The following TRPC5 variants were observed in gnomAD, a reference collection of about 807,000 sequenced individuals.
The protein encoded by TRPC5 is short transient receptor potential channel 5.
Under a neutral mutation model 56.5 loss-of-function variants are expected in TRPC5, and 9 were observed. That is an observed-to-expected ratio of 0.16 (90% CI 0.10 to 0.28). TRPC5 has a LOEUF of 0.28. Among genes scored for constraint, TRPC5 ranks in the 10% least tolerant of loss-of-function variants. The pLI, the probability that TRPC5 is intolerant of heterozygous loss-of-function variation, is 1.00. For synonymous variants in TRPC5, 282 were observed against 278.5 expected, an observed-to-expected ratio of 1.01 and a Z score of -0.13; for missense variants, 469 against 748.9, an observed-to-expected ratio of 0.63 and a Z score of 4.36.
rs185194900 is a variant in TRPC5 at position 111,963,478 on chromosome X, G to T, written c.-21-11037C>A. ...GTCTGACAGCTTTGAAGAGAGTAGT[G>T]GTTCTCCCAGCACGCAGCTGGAGAT... On this transcript the variant is annotated intron_variant, in intron 1 of 10. Transcript: ENST00000262839. Among the ~76,000 whole-genome samples, 922 of 111,935 alleles carry T rather than the reference G, an allele frequency of 8.2e-3. 5 individuals carry two copies. Among genetic ancestry groups the T allele is most frequent in the Non-Finnish European group, 0.014 (743 of 53,133 alleles).
chrX:111,892,107 A>C (rs894442430), intron 3 of TRPC5, among the ~76,000 whole-genome samples: 63 of 112,091 alleles, frequency 5.6e-4, no homozygotes, highest in African/African-American at 2.0e-3. Flanking sequence ...GCAAGCTGGC[A>C]TTTGCCACAG....
intron 1 of TRPC5, among the ~76,000 whole-genome samples, chrX:111,956,339 T>C (rs116547523): frequency 1.4e-3 from 153 of 112,186 alleles, no homozygotes; most frequent in African/African-American, 4.6e-3. Flanking sequence ...TCCAAACTTA[T>C]CTGTCCAGTT....
chrX:112,065,731 A>G lies in TRPC5; in HGVS notation c.-22+16148T>C, dbSNP rs180690767. ...CATGGCGAAAACTCATCTCTACAAA[A>G]AATATAAAAAATTAGCTGGGAGTGG... On this transcript the variant is annotated intron_variant, in intron 1 of 10. Transcript: ENST00000262839. Among the ~76,000 whole-genome samples, 463 of 111,354 alleles carry G rather than the reference A, an allele frequency of 4.2e-3. 1 individual carries two copies. Among genetic ancestry groups the G allele is most frequent in the African/African-American group, 0.015 (452 of 30,635 alleles).
chrX:112,047,176 T>C (rs1367572463), intron 1 of TRPC5, among the ~76,000 whole-genome samples: 1 of 111,177 alleles, frequency 9.0e-6, no homozygotes, highest in East Asian at 2.8e-4. Context: ...CACAAAACTC[T>C]GTTTTGTGCT....
chrX:111,818,055 A>G (rs1033726315), intron 7 of TRPC5, among the ~76,000 whole-genome samples: 1 of 111,431 alleles, frequency 9.0e-6, no homozygotes, highest in Non-Finnish European at 1.9e-5. Flanking sequence ...TACCCACTGA[A>G]CAAATGCTCC....
intron 1 of TRPC5, among the ~76,000 whole-genome samples, chrX:111,993,851 G>GT (rs1928437710): frequency 9.0e-6 from 1 of 111,521 alleles, no homozygotes; most frequent in African/African-American, 3.3e-5. Flanking sequence ...ATTCTGTGCC[G>GT]TGCCTGTTCA....
intron 1 of TRPC5, among the ~76,000 whole-genome samples, chrX:112,007,934 G>A (rs1349974491): frequency 9.0e-6 from 1 of 111,598 alleles, no homozygotes; most frequent in Admixed American, 9.5e-5. Flanking sequence ...GTGGTAGGGG[G>A]AGTTAAGGGG....
At chrX:112,048,491 A>G (rs1930129092) in intron 1 of TRPC5, among the ~76,000 whole-genome samples, 1 of 109,101 alleles carries the variant, frequency 9.2e-6, no homozygotes, top group Non-Finnish European at 1.9e-5. Context: ...TTGGGGGAAA[A>G]ATATAAGATC....
chrX:111,781,165 C>T lies in TRPC5; in HGVS notation c.2142G>A (p.Gln714=). The T allele has an allele frequency of 8.3e-7, 1 of 1,209,973 alleles. No homozygotes were observed. Among genetic ancestry groups the T allele is most frequent in the Non-Finnish European group, 1.1e-6 (1 of 894,003 alleles). ...CTTCATCCCTGTGAGGAAGCTTTAC[C>T]TGATAATGTTGATTTTGTATCAGGC... ...ADSLIQNQHY[Q]EVIRNLVKRY... is the part of the protein sequence containing the mutation. The change falls in exon 9 of 11, where the codon CAG becomes CAA. Residue 714 remains glutamine (Q), a splice_region_variant and synonymous_variant. Transcript: ENST00000262839.
chrX:111,990,177 G>A (rs1186157654), intron 1 of TRPC5, among the ~76,000 whole-genome samples: 1 of 111,939 alleles, frequency 8.9e-6, no homozygotes, highest in Admixed American at 9.5e-5. Flanking sequence ...CAGCACTTTG[G>A]GATGCCAAGG....
At chrX:112,059,050 T>C (rs192634432) in intron 1 of TRPC5, among the ~76,000 whole-genome samples, 187 of 111,707 alleles carry the variant, frequency 1.7e-3, no homozygotes, top group Non-Finnish European at 1.5e-3. Flanking sequence ...CAGGTAGGAT[T>C]ACCAAGATAC....
chrX:112,012,198 C>T (rs1045535488), intron 1 of TRPC5, among the ~76,000 whole-genome samples: 2 of 111,012 alleles, frequency 1.8e-5, no homozygotes, highest in Non-Finnish European at 3.8e-5. Context: ...CAGGATCAGA[C>T]TTTATATAAA....
chrX:112,071,181 G>A (rs938975895), intron 1 of TRPC5, among the ~76,000 whole-genome samples: 4 of 110,177 alleles, frequency 3.6e-5, no homozygotes, highest in African/African-American at 9.9e-5. Context: ...GCATGGTGTC[G>A]CATACCTGTA....
chrX:111,989,964 G>A (rs73548124), intron 1 of TRPC5, among the ~76,000 whole-genome samples: 15,028 of 111,857 alleles, frequency 0.13, 1,966 homozygotes, highest in African/African-American at 0.41. Flanking sequence ...GCACAAGAAG[G>A]TTTCTTGGAT....
chrX:111,937,082 C>G (rs1926607072), intron 2 of TRPC5, among the ~76,000 whole-genome samples: 1 of 105,683 alleles, frequency 9.5e-6, no homozygotes. Context: ...ATTTGCATTT[C>G]TCTGATGGCC....
At chrX:112,048,399 CAA>C (rs58537492) in intron 1 of TRPC5, among the ~76,000 whole-genome samples, 8 of 21,481 alleles carry the variant, frequency 3.7e-4, no homozygotes, top group South Asian at 0.01. Flanking sequence ...GACTCCGTAT[CAA>C]AAAAAAAAAA....
chrX:111,906,296 A>G (rs750848927), intron 3 of TRPC5, among the ~76,000 whole-genome samples: 51 of 108,982 alleles, frequency 4.7e-4, no homozygotes, highest in African/African-American at 1.6e-3. Context: ...TGGAGGTTGC[A>G]GTGAGCCAAG....
intron 1 of TRPC5, among the ~76,000 whole-genome samples, chrX:111,993,063 C>T (rs1470949606): frequency 9.5e-6 from 1 of 105,583 alleles, no homozygotes; most frequent in Admixed American, 1.0e-4. Context: ...CCCCCCACCC[C>T]CTGACAGGCC....
chrX:111,907,204 G>T lies in TRPC5; in HGVS notation c.900+5087C>A, dbSNP rs1254865141. 1.9e-4 allele frequency among the ~76,000 whole-genome samples: 21 copies of T among 110,390 alleles called. 1 individual carries two copies. The Admixed American group carries it at 2.0e-3, about 11-fold the overall frequency. ...GGTAAATGTGTTCCACTAGATCCTG[G>T]GGTGTGACCCACTTAAGATGTTAAT... is the stretch of plus-strand genomic sequence containing the variant. On this transcript the variant is annotated intron_variant, in intron 3 of 10. Coordinates refer to ENST00000262839, the MANE Select transcript of TRPC5 (RefSeq NM_012471.3).
Sources: gnomAD v4.1 joint callset for allele counts (sites outside exome capture counted in the v4.1 genomes callset) on GRCh38, gnomAD v4.1.1 for gene constraint, MANE v1.5 for transcripts, NCBI Gene and HGNC (gene_info 2026-07-23, HGNC 2026-07-21) for gene names.